Variants in CPXM1 observed in about 807,000 individuals in gnomAD.
The protein encoded by CPXM1 is probable carboxypeptidase X1.
Under a neutral mutation model 80.4 loss-of-function variants are expected in CPXM1, and 72 were observed. The observed-to-expected ratio is 0.90, with a 90% CI of 0.74 to 1.09. CPXM1 has a LOEUF of 1.09. Among genes scored for constraint, CPXM1 ranks in the 50% least tolerant of loss-of-function variants. The pLI is 0.00. For missense variants in CPXM1, 892 were observed against 999.4 expected (o/e 0.89, Z 1.45); for synonymous variants, 403 against 405.6 (o/e 0.99, Z 0.08).
At position 2,797,170 on chromosome 20, in the gene CPXM1, C is replaced by A. The variant is rs780072832; in HGVS notation, c.832+22G>T. 1.8e-5 allele frequency: 29 copies of A among 1,605,628 alleles called. 1 individual carries two copies. The highest frequency in any genetic ancestry group is 1.7e-4 in the Middle Eastern group (1 of 6,046). The stretch of plus-strand genomic sequence containing the variant: ...ACCCTGCATCCAAGCCCTGCCCAAC[C>A]AACCCTGGCCTGACTGCCCACCTGA... On this transcript the variant is annotated intron_variant, in intron 6 of 13. Coordinates refer to ENST00000380605, the MANE Select transcript of CPXM1 (RefSeq NM_019609.5).
At position 2,800,480 on chromosome 20, in the gene CPXM1, C is replaced by A. The variant is rs1281992711; in HGVS notation, c.93G>T (p.Gln31His). The A allele has an allele frequency of 1.4e-6, 2 of 1,439,298 alleles. No individual in the cohort carries two copies. Among genetic ancestry groups the A allele is most frequent in the East Asian group, 5.9e-5 (2 of 33,678 alleles). 89.2% of individuals were successfully genotyped at this position (1,439,298 alleles called of 1,614,324 possible). ...APRNSVLGLAQPGTTKVPGST... is the reference protein window; with the variant it reads ...APRNSVLGLAHPGTTKVPGST... ...AGCCTGGGACCTTGGTGGTCCCGGG[C>A]TGCGCGAGGCCCAGCACCGAGTTCC... The change falls in exon 1 of 14, where the codon CAG becomes CAT. Residue 31 changes from glutamine to histidine, a missense_variant. Gln to His is a conservative substitution (Grantham distance 24). This residue lies in a region of CPXM1 where 874 missense variants were observed against 958.4 expected (regional missense o/e 0.91). Coordinates refer to ENST00000380605, the MANE Select transcript of CPXM1 (RefSeq NM_019609.5).
Position 2,800,583 on chromosome 20 carries a change from G to A in CPXM1, c.-11C>T. Reference sequence around the variant, plus strand: ...CAGGAGCCCCCACATGGCGGGGATTGAGTGCCAGGGGCGCGCGGGCTACGG... The same window carrying A: ...CAGGAGCCCCCACATGGCGGGGATTAAGTGCCAGGGGCGCGCGGGCTACGG... On this transcript the variant is annotated 5_prime_UTR_variant, in exon 1 of 14. Coordinates refer to ENST00000380605, the MANE Select transcript of CPXM1 (RefSeq NM_019609.5). 2 of 1,333,866 alleles carry A rather than the reference G, an allele frequency of 1.5e-6. No individual in the cohort carries two copies. Among genetic ancestry groups the A allele is most frequent in the African/African-American group, 1.5e-5 (1 of 64,908 alleles). 82.6% of individuals were successfully genotyped at this position (1,333,866 alleles called of 1,614,324 possible). A position where few individuals can be genotyped will look rare whatever the true frequency, so the allele number is the denominator to read the frequency against.
Position 2,798,195 on chromosome 20 carries a change from G to C in CPXM1, c.547C>G (p.Arg183Gly), listed in dbSNP as rs745504952. 1.2e-6 allele frequency: 2 copies of C among 1,614,010 alleles called. No individual in the cohort carries two copies. Among genetic ancestry groups the C allele is most frequent in the Non-Finnish European group, 1.7e-6 (2 of 1,180,028 alleles). Residue 183 changes from arginine to glycine, a missense_variant, in exon 4 of 14, where the codon CGC becomes GGC. Arg to Gly is a moderately radical substitution (Grantham distance 125). Around this residue, in one of 2 missense-constraint regions of CPXM1, gnomAD observed 874 missense variants for 958.4 expected, o/e 0.91. Coordinates refer to ENST00000380605, the MANE Select transcript of CPXM1 (RefSeq NM_019609.5). ...WFQVDAGHPT[R>G]FSGVITQGRN... The stretch of plus-strand genomic sequence containing the variant: ...CCCTGTGTGATAACACCCGAGAAGC[G>C]GGTGGGGTGCCCAGCGTCCACCTGA...
Position 2,796,077 on chromosome 20 carries a change from G to C in CPXM1, c.1327C>G (p.Pro443Ala). ...CCATCGTCCTGTGCTTCCCACAGTG[G>C]TGTGTTGAGGTCAGCAAAATTATGG... ...LNHNFADLNT[P>A]LWEAQDDGKV... Residue 443 changes from proline to alanine, a missense_variant, in exon 10 of 14, where the codon CCA becomes GCA. This residue lies in a region of CPXM1 where 874 missense variants were observed against 958.4 expected (regional missense o/e 0.91). Coordinates refer to ENST00000380605, the MANE Select transcript of CPXM1 (RefSeq NM_019609.5). The surrounding 1 kb of genome is among the most constrained non-coding windows in gnomAD (Gnocchi z 6.8). 6.2e-7 allele frequency: 1 copy of C among 1,614,082 alleles called. No homozygotes were observed. Among genetic ancestry groups the C allele is most frequent in the Non-Finnish European group, 8.5e-7 (1 of 1,179,992 alleles).
At chr20:2,798,590 A>T (rs1285728726) in intron 2 of CPXM1, 53 bp from the exon 3 acceptor site, 2 of 1,570,412 alleles carry the variant, frequency 1.3e-6, no homozygotes, top group East Asian at 4.5e-5. Flanking sequence ...TAGCCAGGGC[A>T]GGTGGGAAGC....
At chr20:2,797,813 G>A (rs2073130) in intron 5 of CPXM1, among the ~76,000 whole-genome samples, 155 bp downstream of exon 5, 13,291 of 152,210 alleles carry the variant, frequency 0.087, 743 homozygotes, top group East Asian at 0.18. Flanking sequence ...GCTCCCAATG[G>A]TGCCTGCCGT....
Position 2,800,623 on chromosome 20 carries a change from G to T in CPXM1, c.-51C>A. 1 of 1,293,694 alleles carries T rather than the reference G, an allele frequency of 7.7e-7. No homozygotes were observed. The highest frequency in any genetic ancestry group is 9.8e-7 in the Non-Finnish European group (1 of 1,017,374). 80.1% of individuals were successfully genotyped at this position (1,293,694 alleles called of 1,614,324 possible). A position where few individuals can be genotyped will look rare whatever the true frequency, so the allele number is the denominator to read the frequency against. ...GCGGGCTACGGCGGGTGGCGGGTCG[G>T]TCTCTTCCTGCCGAGTGCGCCGAGC... On this transcript the variant is annotated 5_prime_UTR_variant, in exon 1 of 14. Transcript: ENST00000380605.
rs1433587140 is a variant in CPXM1, at chr20:2,796,030, G to A, written c.1374C>T (p.Pro458=). 2.5e-6 allele frequency: 4 copies of A among 1,613,342 alleles called. No individual in the cohort carries two copies. The highest frequency in any genetic ancestry group is 8.5e-7 in the Non-Finnish European group (1 of 1,179,648). The part of the protein sequence containing the change: ...QDDGKVPHIV[P]NHHLPLPTYY... Reference sequence around the variant, plus strand: ...AAGTGGGCAATGGCAGGTGATGGTTGGGGACGATGTGGGGCACCTTCCCAT... The same window carrying A: ...AAGTGGGCAATGGCAGGTGATGGTTAGGGACGATGTGGGGCACCTTCCCAT... Residue 458 remains proline, a synonymous_variant, in exon 10 of 14, where the codon CCC becomes CCT. Coordinates refer to ENST00000380605, the MANE Select transcript of CPXM1 (RefSeq NM_019609.5). The surrounding 1 kb of genome is among the most constrained non-coding windows in gnomAD (Gnocchi z 6.8).
rs2088494982 is a variant in CPXM1 at position 2,795,457 on chromosome 20, G to A, written c.1721-41C>T. On this transcript the variant is annotated intron_variant, in intron 11 of 13. Coordinates refer to ENST00000380605, the MANE Select transcript of CPXM1 (RefSeq NM_019609.5). The surrounding 1 kb of genome is among the most constrained non-coding windows in gnomAD (Gnocchi z 5.4). ...ACACTGCTGCCTAAGCAGGCGGGAT[G>A]CGGTCCCATCCTCCCGCTACCCTCC... 1 of 1,604,730 alleles carries A rather than the reference G, an allele frequency of 6.2e-7. No homozygotes were observed. The highest frequency in any genetic ancestry group is 8.5e-7 in the Non-Finnish European group (1 of 1,173,066).
chr20:2,797,870 C>T (rs1387396933), intron 5 of CPXM1, 98 bp downstream of exon 5: 2 of 1,101,762 alleles, frequency 1.8e-6, no homozygotes, highest in African/African-American at 3.1e-5. Context: ...GAAGCCTAAG[C>T]TGGCGTCTAT....
At position 2,794,722 on chromosome 20, in the gene CPXM1, G is replaced by T; in HGVS notation, c.1861-83C>A. ...GCTAACTTGCTGGCTCTGTTGCCCTGCAAACCTGAGCAAAGTGGTAGGTCT... is the reference window on the plus strand; with the variant it reads ...GCTAACTTGCTGGCTCTGTTGCCCTTCAAACCTGAGCAAAGTGGTAGGTCT... On this transcript the variant is annotated intron_variant, in intron 12 of 13. Transcript: ENST00000380605. This position sits in a 1 kb window ranked among gnomAD's most constrained non-coding sequence, Gnocchi z 5.2. 9.8e-7 allele frequency: 1 copy of T among 1,016,398 alleles called. No homozygotes were observed. The highest frequency in any genetic ancestry group is 1.5e-6 in the Non-Finnish European group (1 of 658,272). The allele number at this position is 1,016,398 out of a possible 1,614,324, so 63.0% of individuals were successfully genotyped here.
intron 5 of CPXM1, 138 bp from the exon 6 acceptor site, chr20:2,797,480 A>C: frequency 1.0e-6 from 1 of 975,018 alleles, no homozygotes; most frequent in Non-Finnish European, 1.4e-6. Flanking sequence ...CTGTGCATCA[A>C]ACACAGACCC....
chr20:2,796,373 G>T lies in CPXM1; in HGVS notation c.1116C>A (p.Leu372=). Residue 372 remains leucine, a synonymous_variant, in exon 9 of 14, where the codon CTC becomes CTA. Transcript: ENST00000380605. The surrounding 1 kb of genome is among the most constrained non-coding windows in gnomAD (Gnocchi z 6.8). ...ACTCATGGCACAGGAACTGCATCAG[G>T]AGCAGAAGCAACTCCCGCCCCAGGG... ...NEALGRELLL[L]LMQFLCHEFL... The T allele has an allele frequency of 6.2e-7, 1 of 1,614,092 alleles. No homozygotes were observed. The highest frequency in any genetic ancestry group is 1.1e-5 in the South Asian group (1 of 91,086).
Position 2,794,595 on chromosome 20 carries a change from C to A in CPXM1, c.1905G>T (p.Glu635Asp), listed in dbSNP as rs2088485633. ...CAATGACAGCGTCAGCAATCCCAAG[C>A]TCCGTGTCCTTGTCCCTCACCACTC... Reference protein sequence around the residue: ...IAGVVRDKDTELGIADAVIAV... With the variant: ...IAGVVRDKDTDLGIADAVIAV... The change falls in exon 13 of 14, where the codon GAG becomes GAT. Residue 635 changes from glutamate (E) to aspartate (D), a missense_variant. By Grantham distance (45) the Glu-to-Asp change is conservative (BLOSUM62 2). Transcript: ENST00000380605. The surrounding 1 kb of genome is among the most constrained non-coding windows in gnomAD (Gnocchi z 5.2). The A allele has an allele frequency of 4.3e-6, 7 of 1,613,602 alleles. No individual in the cohort carries two copies. The highest frequency in any genetic ancestry group is 5.9e-6 in the Non-Finnish European group (7 of 1,180,026).
Position 2,794,628 on chromosome 20 carries a change from G to A in CPXM1, c.1872C>T (p.Gly624=), listed in dbSNP as rs2088486017. ...LLTYLEQVRM[G]IAGVVRDKDT... ...CCTTGTCCCTCACCACTCCTGCAATGCCCATGCGCACCTGTGTGGGAAGAG... is the reference window on the plus strand; with the variant it reads ...CCTTGTCCCTCACCACTCCTGCAATACCCATGCGCACCTGTGTGGGAAGAG... The change falls in exon 13 of 14, where the codon GGC becomes GGT. Residue 624 remains glycine (G), a synonymous_variant. Transcript: ENST00000380605. This position sits in a 1 kb window ranked among gnomAD's most constrained non-coding sequence, Gnocchi z 5.2. The A allele has an allele frequency of 6.2e-7, 1 of 1,611,330 alleles. No homozygotes were observed. The highest frequency in any genetic ancestry group is 1.3e-5 in the African/African-American group (1 of 74,996).
rs1165226129 is a variant in CPXM1, at chr20:2,797,321, G to A, written c.703C>T (p.Pro235Ser). Reference protein sequence around the residue: ...MDAVFPANSDPETPVLNLLPE... With the variant: ...MDAVFPANSDSETPVLNLLPE... The stretch of plus-strand genomic sequence containing the variant: ...AGGAGGTTCAGCACTGGAGTTTCTG[G>A]GTCTGAATTGGCAGGAAATACCTGG... Residue 235 changes from proline (P) to serine (S), a missense_variant, in exon 6 of 14, where the codon CCA becomes TCA. Coordinates refer to ENST00000380605, the MANE Select transcript of CPXM1 (RefSeq NM_019609.5). 1 of 1,520,428 alleles carries A rather than the reference G, an allele frequency of 6.6e-7. No individual in the cohort carries two copies. The highest frequency in any genetic ancestry group is 1.3e-5 in the South Asian group (1 of 79,730). The allele number at this position is 1,520,428 out of a possible 1,614,324, so 94.2% of individuals were successfully genotyped here.
Position 2,796,397 on chromosome 20 carries a change from G to A in CPXM1, c.1092C>T (p.Ala364=). 1 of 1,614,078 alleles carries A rather than the reference G, an allele frequency of 6.2e-7. No individual in the cohort carries two copies. The highest frequency in any genetic ancestry group is 2.2e-5 in the East Asian group (1 of 44,872). ...RYVAGMHGNE[A]LGRELLLLLM... Reference sequence around the variant, plus strand: ...GGAGCAGAAGCAACTCCCGCCCCAGGGCCTCGTTCCCATGCATGCCAGCCA... The same window carrying A: ...GGAGCAGAAGCAACTCCCGCCCCAGAGCCTCGTTCCCATGCATGCCAGCCA... Residue 364 remains alanine, a synonymous_variant, in exon 9 of 14, where the codon GCC becomes GCT. Transcript: ENST00000380605. The surrounding 1 kb of genome is among the most constrained non-coding windows in gnomAD (Gnocchi z 6.8).
Position 2,796,171 on chromosome 20 carries a change from A to G in CPXM1, c.1243-10T>C. On this transcript the variant is annotated splice_polypyrimidine_tract_variant and intron_variant, in intron 9 of 13. Transcript: ENST00000380605. This position sits in a 1 kb window ranked among gnomAD's most constrained non-coding sequence, Gnocchi z 6.8. ...CCACCAGCTCTGAACCCTGCCGGGC[A>G]AGAGGCTTGTTCAAGTCGAGCAGGT... 1 of 1,608,936 alleles carries G rather than the reference A, an allele frequency of 6.2e-7. No individual in the cohort carries two copies. The highest frequency in any genetic ancestry group is 1.1e-5 in the South Asian group (1 of 90,142).
In CPXM1 at chr20:2,795,285, G is replaced by C; in HGVS notation, c.1852C>G (p.Leu618Val). 3 of 1,613,916 alleles carry C rather than the reference G, an allele frequency of 1.9e-6. No homozygotes were observed. The highest frequency in any genetic ancestry group is 2.5e-6 in the Non-Finnish European group (3 of 1,179,992). ...ENNKDALLTY[L>V]EQVRMGIAGV... The stretch of plus-strand genomic sequence containing the variant: ...CGGGACGCAGATCCGACCTGCTCCA[G>C]GTAGGTGAGGAGGGCGTCTTTGTTG... The change falls in exon 12 of 14, where the codon CTG becomes GTG. Residue 618 changes from leucine to valine, a missense_variant. Transcript: ENST00000380605. The surrounding 1 kb of genome is among the most constrained non-coding windows in gnomAD (Gnocchi z 5.4).
Sources: gnomAD v4.1 joint callset for allele counts (sites outside exome capture counted in the v4.1 genomes callset) on GRCh38, gnomAD v4.1.1 for gene constraint, gnomAD v4.1.1 regional missense constraint, Gnocchi (gnomAD v3.1) non-coding constraint, MANE v1.5 for transcripts, NCBI Gene and HGNC (gene_info 2026-07-23, HGNC 2026-07-21) for gene names.